PCDHGA2: variants seen among roughly 807,000 people sequenced by gnomAD.
PCDHGA2 encodes protocadherin gamma subfamily A, 2, also known as protocadherin gamma-A2.
In PCDHGA2, 40 loss-of-function variants were observed where a neutral mutation model predicts 59.2. That is an observed-to-expected ratio of 0.68 (90% CI 0.52 to 0.88). PCDHGA2 has a LOEUF of 0.88. PCDHGA2 is among the 40% of genes least tolerant of loss of function. The probability of loss-of-function intolerance (pLI) is 0.00; values close to 1 mark genes in which losing one functional copy is unlikely to be tolerated. For synonymous variants in PCDHGA2, 560 were observed against 526.0 expected, an observed-to-expected ratio of 1.06 and a Z score of -0.89; for missense variants, 1,226 against 1,204.0, an observed-to-expected ratio of 1.02 and a Z score of -0.27.
At chr5:141,360,697 G>T in intron 1 of PCDHGA2, 5 of 1,613,976 alleles carry the variant, frequency 3.1e-6, no homozygotes, top group Non-Finnish European at 4.2e-6. Context: ...GACTCCAGAT[G>T]GTCGTAAATA....
At chr5:141,346,306 C>T in intron 1 of PCDHGA2, 2 of 1,614,220 alleles carry the variant, frequency 1.2e-6, no homozygotes, top group Non-Finnish European at 1.7e-6. Flanking sequence ...CACGAGGTCT[C>T]CCTCACTGCG....
intron 1 of PCDHGA2, among the ~76,000 whole-genome samples, chr5:141,455,967 A>T (rs965245893): frequency 2.7e-5 from 4 of 150,838 alleles, no homozygotes; most frequent in Non-Finnish European, 4.4e-5. Flanking sequence ...GCGCGATCTC[A>T]GCTCACTGCA....
chr5:141,360,230 A>G (rs1761484495), intron 1 of PCDHGA2: 1 of 1,613,852 alleles, frequency 6.2e-7, no homozygotes, highest in Non-Finnish European at 8.5e-7. Flanking sequence ...CTCCCAGTCC[A>G]GATCCGCTAT....
chr5:141,397,700 G>A (rs2093557870), intron 1 of PCDHGA2, among the ~76,000 whole-genome samples: 2 of 152,224 alleles, frequency 1.3e-5, no homozygotes, highest in Admixed American at 1.3e-4. Flanking sequence ...AAAACCCAAC[G>A]TGATATTTCT....
At position 141,340,705 on chromosome 5, in the gene PCDHGA2, G is replaced by A. The variant is rs144207825; in HGVS notation, c.1734G>A (p.Ala578=). ...ACGGTTCCACTGGCGTGGAGCTGGC[G>A]CCCCGCTCCGCAGAGCCCGGCTACC... ...PTDGSTGVEL[A]PRSAEPGYLV... is the part of the protein sequence containing the mutation. Residue 578 remains alanine, a synonymous_variant, in exon 1 of 4, where the codon GCG becomes GCA. Coordinates refer to ENST00000394576, the MANE Select transcript of PCDHGA2 (RefSeq NM_018915.4). 5 of 1,614,098 alleles carry A rather than the reference G, an allele frequency of 3.1e-6. No individual in the cohort carries two copies. Among genetic ancestry groups the A allele is most frequent in the East Asian group, 2.2e-5 (1 of 44,846 alleles).
chr5:141,393,922 G>C (rs750880965), intron 1 of PCDHGA2: 16 of 1,613,832 alleles, frequency 9.9e-6, no homozygotes, highest in Middle Eastern at 1.6e-4. Context: ...GCCTTCTTGA[G>C]TGTGCATGAC....
intron 1 of PCDHGA2, chr5:141,365,768 G>C: frequency 6.2e-7 from 1 of 1,613,812 alleles, no homozygotes. Flanking sequence ...CCATGACCCC[G>C]ACAGCGGCGA....
chr5:141,376,073 G>A (rs767716077), intron 1 of PCDHGA2: 1 of 1,613,508 alleles, frequency 6.2e-7, no homozygotes, highest in Non-Finnish European at 8.5e-7. Context: ...CACCGTGGCC[G>A]TGGCCGACAG....
At position 141,409,535 on chromosome 5, in the gene PCDHGA2, A is replaced by G. The variant is rs745624722; in HGVS notation, c.2424+68140A>G. 5 of 1,613,894 alleles carry G rather than the reference A, an allele frequency of 3.1e-6. No homozygotes were observed. The African/African-American group carries it at 4.0e-5, about 13-fold the overall frequency. ...AAGCATCACCTTGTATGTCGCTGAC[A>G]TCAACGACAACGCCCCAGTTTTCGA... On this transcript the variant is annotated intron_variant, in intron 1 of 3. Coordinates refer to ENST00000394576, the MANE Select transcript of PCDHGA2 (RefSeq NM_018915.4).
chr5:141,474,985 C>T (rs2099357651), intron 1 of PCDHGA2, among the ~76,000 whole-genome samples: 1 of 152,202 alleles, frequency 6.6e-6, no homozygotes, highest in Non-Finnish European at 1.5e-5. Context: ...TGTTTGGTGA[C>T]AACAATTCTA....
Position 141,431,518 on chromosome 5 carries a change from G to T in PCDHGA2, c.2425-63289G>T. 6.2e-7 allele frequency: 1 copy of T among 1,614,090 alleles called. No individual in the cohort carries two copies. Among genetic ancestry groups the T allele is most frequent in the Non-Finnish European group, 8.5e-7 (1 of 1,180,038 alleles). ...CCGAGTACCGCGCGAGCGTTCCGGA[G>T]AATCTGGCCTTGGGCACGCAGCTGC... On this transcript the variant is annotated intron_variant, in intron 1 of 3. Coordinates refer to ENST00000394576, the MANE Select transcript of PCDHGA2 (RefSeq NM_018915.4). The surrounding 1 kb of genome is among the most constrained non-coding windows in gnomAD (Gnocchi z 4.8).
intron 1 of PCDHGA2, chr5:141,411,445 G>A (rs926329934): frequency 1.3e-5 from 2 of 151,656 alleles, no homozygotes; most frequent in South Asian, 2.1e-4. Flanking sequence ...TTAGCAGAGT[G>A]TGGTAGCATT....
intron 1 of PCDHGA2, chr5:141,355,159 G>C (rs752051365): frequency 5.8e-6 from 9 of 1,558,856 alleles, no homozygotes; most frequent in Non-Finnish European, 7.8e-6. Context: ...GGCCTCGACA[G>C]AGGGAAAACC....
intron 1 of PCDHGA2, among the ~76,000 whole-genome samples, chr5:141,436,181 T>A (rs1050736907): frequency 1.3e-5 from 2 of 152,092 alleles, no homozygotes; most frequent in African/African-American, 4.8e-5. Context: ...TCATATATAG[T>A]CAAATAGAAA....
At chr5:141,426,882 C>A (rs528411309) in intron 1 of PCDHGA2, 1 of 456,664 alleles carries the variant, frequency 2.2e-6, no homozygotes, top group African/African-American at 2.0e-5. Context: ...GCCCCTGGGC[C>A]AGGAGCAACA....
At chr5:141,454,977 T>C (rs1357011192) in intron 1 of PCDHGA2, among the ~76,000 whole-genome samples, 6 of 151,508 alleles carry the variant, frequency 4.0e-5, no homozygotes, top group Non-Finnish European at 8.8e-5. Context: ...CTGGCTAATT[T>C]TTTAAAAAAT....
At chr5:141,404,410 A>G (rs1343740045) in intron 1 of PCDHGA2, 2 of 1,613,728 alleles carry the variant, frequency 1.2e-6, no homozygotes, top group Non-Finnish European at 1.7e-6. Context: ...AGAATTCTAG[A>G]GTTATTTACT....
At position 141,340,233 on chromosome 5, in the gene PCDHGA2, C is replaced by T; in HGVS notation, c.1262C>T (p.Thr421Ile). The T allele has an allele frequency of 6.2e-7, 1 of 1,614,194 alleles. No individual in the cohort carries two copies. The highest frequency in any genetic ancestry group is 8.5e-7 in the Non-Finnish European group (1 of 1,180,036). Residue 421 changes from threonine to isoleucine, a missense_variant, in exon 1 of 4, where the codon ACT (threonine) becomes ATT (isoleucine). Coordinates refer to ENST00000394576, the MANE Select transcript of PCDHGA2 (RefSeq NM_018915.4). ...GAACAGTTTTCCTTTTACAACATCA[C>T]TCTAACCGCTAAAGATGGAGGGAAC... ...DREQFSFYNI[T>I]LTAKDGGNPS...
intron 1 of PCDHGA2, among the ~76,000 whole-genome samples, chr5:141,448,344 A>G (rs2098583423): frequency 6.6e-6 from 1 of 152,080 alleles, no homozygotes; most frequent in Admixed American, 6.6e-5. Flanking sequence ...CATGTACCTC[A>G]ATCTTAGTAG....
Sources: gnomAD v4.1 joint callset for allele counts (sites outside exome capture counted in the v4.1 genomes callset) on GRCh38, gnomAD v4.1.1 for gene constraint, Gnocchi (gnomAD v3.1) non-coding constraint, MANE v1.5 for transcripts, NCBI Gene and HGNC (gene_info 2026-07-23, HGNC 2026-07-21) for gene names.